The following MACROD2 variants were observed in gnomAD, a reference collection of about 807,000 sequenced individuals.
The protein encoded by MACROD2 is mono-ADP ribosylhydrolase 2.
MACROD2 carries 36 observed loss-of-function variants against 70.4 expected under a neutral mutation model. That is an observed-to-expected ratio of 0.51 (90% confidence interval 0.39 to 0.68). The LOEUF (loss-of-function observed/expected upper bound fraction) is 0.68. Among genes scored for constraint, MACROD2 ranks in the 30% least tolerant of loss-of-function variants. The pLI is 0.00. For synonymous variants in MACROD2, 172 were observed against 178.8 expected (o/e 0.96, Z 0.30); for missense variants, 496 against 538.4 (o/e 0.92, Z 0.78).
At chr20:14,940,214 G>T (rs1344962328) in intron 5 of MACROD2, among the ~76,000 whole-genome samples, 1 of 148,042 alleles carries the variant, frequency 6.8e-6, no homozygotes, top group Non-Finnish European at 1.5e-5. Context: ...CATGCCTGTA[G>T]TCCCAACTAG....
chr20:15,136,438 CCT>C (rs2076148606), intron 5 of MACROD2, among the ~76,000 whole-genome samples: 1 of 152,036 alleles, frequency 6.6e-6, no homozygotes, highest in Non-Finnish European at 1.5e-5. Flanking sequence ...CTTTGACAAA[CCT>C]GAGAAAAACG....
At chr20:14,076,222 A>G (rs540315755) in intron 2 of MACROD2, among the ~76,000 whole-genome samples, 3 of 152,292 alleles carry the variant, frequency 2.0e-5, no homozygotes, top group Admixed American at 6.5e-5. Flanking sequence ...CTACCTAAGG[A>G]TAGTATTACC....
intron 5 of MACROD2, among the ~76,000 whole-genome samples, chr20:14,955,463 G>GT (rs948125059): frequency 2.4e-4 from 36 of 151,228 alleles, no homozygotes; most frequent in African/African-American, 8.0e-4. Flanking sequence ...ACACAAGTTA[G>GT]TGTTATCGTA....
chr20:15,835,043 A>G (rs981503730), intron 8 of MACROD2, among the ~76,000 whole-genome samples: 11 of 152,212 alleles, frequency 7.2e-5, no homozygotes, highest in African/African-American at 2.7e-4. Flanking sequence ...AGGATACTCA[A>G]GCAACCCTGC....
chr20:14,914,727 A>C (rs906067594), intron 5 of MACROD2, among the ~76,000 whole-genome samples: 3 of 152,182 alleles, frequency 2.0e-5, no homozygotes, highest in East Asian at 1.9e-4. Context: ...TATATATCTG[A>C]GTTTTAAAAA....
intron 6 of MACROD2, among the ~76,000 whole-genome samples, chr20:15,305,858 A>G (rs1325521500): frequency 6.6e-6 from 1 of 152,158 alleles, no homozygotes; most frequent in African/African-American, 2.4e-5. Context: ...TTTGAATGTA[A>G]TGGTCTAACC....
At chr20:14,568,898 C>A (rs182618984) in intron 4 of MACROD2, among the ~76,000 whole-genome samples, 34 of 152,074 alleles carry the variant, frequency 2.2e-4, no homozygotes, top group African/African-American at 7.5e-4. Context: ...CTCAGATTAA[C>A]CCCCTCCCTG....
chr20:15,542,264 T>C (rs1368981148), intron 8 of MACROD2, among the ~76,000 whole-genome samples: 1 of 152,174 alleles, frequency 6.6e-6, no homozygotes, highest in South Asian at 2.1e-4. Flanking sequence ...AACTTCTTTA[T>C]AATGTGGAAA....
chr20:14,090,397 A>T (rs2054131648), intron 3 of MACROD2, among the ~76,000 whole-genome samples: 1 of 151,930 alleles, frequency 6.6e-6, no homozygotes, highest in African/African-American at 2.4e-5. Flanking sequence ...AGATGGTGAA[A>T]CCCCGTCTCT....
rs866228445 is a variant in MACROD2, at chr20:15,460,998, A to T, written c.571+29563A>T. On this transcript the variant is annotated intron_variant, in intron 7 of 17. Coordinates refer to ENST00000684519, the MANE Select transcript of MACROD2 (RefSeq NM_001351661.2). ...TCTCCATATATATATATATATATAT[A>T]TATATATATTTTTTTTTAATAGATG... Among the ~76,000 whole-genome samples, 35 of 76,510 alleles carry T rather than the reference A, an allele frequency of 4.6e-4. 2 individuals are homozygous for T. The highest frequency in any genetic ancestry group is 1.7e-3 in the African/African-American group (27 of 16,332). 50.2% of individuals were successfully genotyped at this position (76,510 alleles called of 152,430 possible).
intron 8 of MACROD2, among the ~76,000 whole-genome samples, chr20:15,707,252 C>T (rs1390200056): frequency 6.6e-6 from 1 of 152,178 alleles, no homozygotes; most frequent in Non-Finnish European, 1.5e-5. Flanking sequence ...GATCAATTAG[C>T]TCATCACCAT....
rs564537721 is a variant in MACROD2 at position 14,793,454 on chromosome 20, G to A, written c.418+108495G>A. Among the ~76,000 whole-genome samples the A allele has an allele frequency of 1.3e-4, 18 of 139,374 alleles. No individual in the cohort carries two copies. The South Asian group carries it at 2.1e-3, about 16-fold the overall frequency. The allele number at this position is 139,374 out of a possible 152,430, so 91.4% of individuals were successfully genotyped here. On this transcript the variant is annotated intron_variant, in intron 5 of 17. Transcript: ENST00000684519. ...TTTATCTCCCCCCACCATGCCCCCC[G>A]CCAGCATATTTTCTGGCTCATTTGT...
chr20:15,250,573 T>C (rs533148464), intron 6 of MACROD2, among the ~76,000 whole-genome samples: 2 of 152,294 alleles, frequency 1.3e-5, no homozygotes, highest in South Asian at 4.1e-4. Context: ...ATAATAAGCC[T>C]TTACTCTTTT....
At chr20:14,012,428 A>T (rs1416884957) in intron 2 of MACROD2, among the ~76,000 whole-genome samples, 1 of 152,168 alleles carries the variant, frequency 6.6e-6, no homozygotes, top group East Asian at 1.9e-4. Flanking sequence ...TATCAGTATG[A>T]GATTAAAAGA....
Position 15,746,562 on chromosome 20 carries a change from TAAAAA to T in MACROD2, c.646-116167_646-116163del, listed in dbSNP as rs536288457. On this transcript the variant is annotated intron_variant, in intron 8 of 17. Coordinates refer to ENST00000684519, the MANE Select transcript of MACROD2 (RefSeq NM_001351661.2). ...TTTGGCATGGTTGTTTGGTTTCCAG[TAAAAA>T]AAAAAAAAAAAAAAAGAAACGGTGA... 7.5e-5 allele frequency among the ~76,000 whole-genome samples: 8 copies of T among 107,100 alleles called. 1 individual carries two copies. The highest frequency in any genetic ancestry group is 3.0e-4 in the Admixed American group (3 of 10,136). The allele number at this position is 107,100 out of a possible 152,430, so 70.3% of individuals were successfully genotyped here.
At chr20:15,274,739 C>A (rs985436198) in intron 6 of MACROD2, among the ~76,000 whole-genome samples, 1 of 152,174 alleles carries the variant, frequency 6.6e-6, no homozygotes, top group South Asian at 2.1e-4. Context: ...TCATTGAGCT[C>A]AGGGACTGAG....
chr20:14,598,844 G>T (rs1300492607), intron 4 of MACROD2, among the ~76,000 whole-genome samples: 1 of 152,128 alleles, frequency 6.6e-6, no homozygotes, highest in Non-Finnish European at 1.5e-5. Context: ...TCTTGGGCTA[G>T]ATTCGAAGAT....
intron 4 of MACROD2, chr20:14,493,802 C>CAT: frequency 1.5e-5 from 3 of 206,360 alleles, no homozygotes; most frequent in Non-Finnish European, 3.0e-5. Flanking sequence ...CATGTGTGTG[C>CAT]ATAGTTACAG....
At chr20:14,144,371 G>T (rs905050200) in intron 3 of MACROD2, among the ~76,000 whole-genome samples, 3 of 152,050 alleles carry the variant, frequency 2.0e-5, no homozygotes, top group African/African-American at 7.2e-5. Context: ...TATTTTTAGG[G>T]CTATCTGACC....
Sources: gnomAD v4.1 joint callset for allele counts (sites outside exome capture counted in the v4.1 genomes callset) on GRCh38, gnomAD v4.1.1 for gene constraint, MANE v1.5 for transcripts, NCBI Gene and HGNC (gene_info 2026-07-23, HGNC 2026-07-21) for gene names.